TRPM1: variants seen among roughly 807,000 people sequenced by gnomAD.
TRPM1 encodes transient receptor potential cation channel subfamily M member 1, also known as TRPM1-203 APA Isoform, Intron 10.
TRPM1 carries 113 observed loss-of-function variants against 149.4 expected under a neutral mutation model. The observed-to-expected ratio is 0.76, with a 90% CI of 0.65 to 0.88. The LOEUF (loss-of-function observed/expected upper bound fraction) is 0.88, where lower values mean the gene tolerates loss of function less well. Among genes scored for constraint, TRPM1 ranks in the 40% least tolerant of loss-of-function variants. TRPM1 has a pLI of 0.00. For synonymous variants in TRPM1, 741 were observed against 759.5 expected, an observed-to-expected ratio of 0.98 and a Z score of 0.40; for missense variants, 1,976 against 2,038.7, an observed-to-expected ratio of 0.97 and a Z score of 0.59.
At chr15:31,117,748 A>G (rs2035821496) in intron 1 of TRPM1, among the ~76,000 whole-genome samples, 1 of 152,062 alleles carries the variant, frequency 6.6e-6, no homozygotes, top group South Asian at 2.1e-4. Flanking sequence ...CAGCTGTGTA[A>G]TATTATCAAA....
rs1453597929 is a variant in TRPM1 at position 31,002,661 on chromosome 15, G to A, written c.4039C>T (p.His1347Tyr). 6.2e-7 allele frequency: 1 copy of A among 1,614,220 alleles called. No homozygotes were observed. Among genetic ancestry groups the A allele is most frequent in the East Asian group, 2.2e-5 (1 of 44,884 alleles). ...HLVPECQNSLHLSLGTSTSAT... is the reference protein window; with the variant it reads ...HLVPECQNSLYLSLGTSTSAT... ...GATGTGCTTGTGCCCAGTGAAAGGT[G>A]AAGACTGTTCTGACATTCTGGGACT... The change falls in exon 28 of 28, where the codon CAC (histidine) becomes TAC (tyrosine). Residue 1347 changes from histidine to tyrosine, a missense_variant. Physicochemically the swap from His to Tyr is moderately conservative, Grantham distance 83 (BLOSUM62 2). Coordinates refer to ENST00000256552, the MANE Select transcript of TRPM1 (RefSeq NM_001252024.2).
At chr15:31,147,373 C>T (rs1396561112) in intron 1 of TRPM1, among the ~76,000 whole-genome samples, 1 of 152,190 alleles carries the variant, frequency 6.6e-6, no homozygotes, top group African/African-American at 2.4e-5. Context: ...ACTTTTCAGT[C>T]GGGGTTCTAA....
chr15:31,041,363 G>A (rs2033611314), intron 17 of TRPM1, among the ~76,000 whole-genome samples: 1 of 152,112 alleles, frequency 6.6e-6, no homozygotes, highest in African/African-American at 2.4e-5. Context: ...TGTTAGCCAG[G>A]ATGGTCTCGA....
chr15:31,071,989 A>G (rs1001440942), intron 3 of TRPM1, among the ~76,000 whole-genome samples: 1 of 55,962 alleles, frequency 1.8e-5, no homozygotes, highest in East Asian at 3.4e-4. Context: ...ACATATATAT[A>G]TATATATATA....
In TRPM1 at chr15:31,035,629, C is replaced by T; in HGVS notation, c.2617G>A (p.Val873Met). 6.2e-7 allele frequency: 1 copy of T among 1,614,166 alleles called. No individual in the cohort carries two copies. The highest frequency in any genetic ancestry group is 8.5e-7 in the Non-Finnish European group (1 of 1,180,032). Residue 873 changes from valine to methionine, a missense_variant, in exon 21 of 28, where the codon GTG (valine) becomes ATG (methionine). Val to Met is a conservative substitution (Grantham distance 21). Around this residue, in one of 3 missense-constraint regions of TRPM1, gnomAD observed 1,332 missense variants for 1,347.1 expected, o/e 0.99. Transcript: ENST00000256552. ...YLLLFNYVIL[V>M]RMDGWPSLQE... ...AGGGACGGCCAGCCATCCATCCGCA[C>T]CAGGATGACGTAGTTAAACAGCAGC...
At chr15:31,155,256 A>T (rs999523592) in intron 1 of TRPM1, among the ~76,000 whole-genome samples, 12 of 152,152 alleles carry the variant, frequency 7.9e-5, no homozygotes, top group African/African-American at 2.4e-4. Flanking sequence ...GAGAGGTGAG[A>T]GCTGCTGTCC....
intron 1 of TRPM1, among the ~76,000 whole-genome samples, chr15:31,122,797 C>G (rs377335199): frequency 7.9e-4 from 121 of 152,250 alleles, no homozygotes; most frequent in South Asian, 1.9e-3. Context: ...AAAACCCCAG[C>G]AAGTAAGTTA....
chr15:31,072,000 TATATATATATATATATATAG>T (rs1317112051), intron 3 of TRPM1, among the ~76,000 whole-genome samples: 837 of 64,040 alleles, frequency 0.013, 12 homozygotes, highest in African/African-American at 0.022. Flanking sequence ...TATATATATA[TATATATATATATATATATAG>T]AGAGAGAGAG....
At chr15:31,081,946 T>A (rs894789661) in intron 1 of TRPM1, among the ~76,000 whole-genome samples, 1 of 152,126 alleles carries the variant, frequency 6.6e-6, no homozygotes, top group Non-Finnish European at 1.5e-5. Flanking sequence ...TGAAAGGCAA[T>A]GGGTGGAGGC....
At chr15:31,081,492 G>A (rs1379449967) in intron 1 of TRPM1, 54 bp from the exon 2 acceptor site, 12 of 1,198,350 alleles carry the variant, frequency 1.0e-5, no homozygotes, top group Non-Finnish European at 1.4e-5. Flanking sequence ...CCTCTTTCTT[G>A]GGAAGCAAGA....
At chr15:31,119,666 TG>T (rs1240189275) in intron 1 of TRPM1, among the ~76,000 whole-genome samples, 1 of 151,470 alleles carries the variant, frequency 6.6e-6, no homozygotes, top group African/African-American at 2.4e-5. Flanking sequence ...ATAACAACAA[TG>T]TATTTGGCGA....
At chr15:31,113,944 G>A (rs2035760535) in intron 1 of TRPM1, among the ~76,000 whole-genome samples, 1 of 152,158 alleles carries the variant, frequency 6.6e-6, no homozygotes, top group Admixed American at 6.5e-5. Flanking sequence ...CCCATGTCCT[G>A]CAGATTGGTC....
rs370469506 is a variant in TRPM1 at position 31,032,826 on chromosome 15, G to A, written c.2815C>T (p.Arg939Cys). The A allele has an allele frequency of 2.4e-5, 39 of 1,614,076 alleles. No homozygotes were observed. The African/African-American group carries it at 3.5e-4, about 14-fold the overall frequency. Reference protein sequence around the residue: ...ISTFMIGAILRLQNQPYMGYG... With the variant: ...ISTFMIGAILCLQNQPYMGYG... ...CCCATGTAGGGCTGGTTCTGTAGGC[G>A]AAGAATTGCTCCAATCATGAATGTG... The change falls in exon 22 of 28, where the codon CGC becomes TGC. Residue 939 changes from arginine to cysteine, a missense_variant. Coordinates refer to ENST00000256552, the MANE Select transcript of TRPM1 (RefSeq NM_001252024.2).
chr15:31,113,699 T>C (rs574797233), intron 1 of TRPM1, among the ~76,000 whole-genome samples: 50 of 152,160 alleles, frequency 3.3e-4, no homozygotes, highest in African/African-American at 8.7e-4. Flanking sequence ...GTGCCCATAG[T>C]TAGTTCATTC....
chr15:31,088,770 C>A (rs923299804), intron 1 of TRPM1, among the ~76,000 whole-genome samples: 19 of 147,232 alleles, frequency 1.3e-4, no homozygotes, highest in African/African-American at 4.3e-4. Context: ...CGTTCCCAAC[C>A]ATGGTATCAA....
intron 1 of TRPM1, among the ~76,000 whole-genome samples, chr15:31,138,770 C>G (rs1284435481): frequency 1.3e-5 from 2 of 151,986 alleles, no homozygotes. Flanking sequence ...TTCCAAAACA[C>G]AACTTCTTGG....
In TRPM1 at chr15:31,047,120, T is replaced by C. The variant is rs1282453698; in HGVS notation, c.1755A>G (p.Gly585=). The C allele has an allele frequency of 7.4e-6, 12 of 1,614,094 alleles. No individual in the cohort carries two copies. The highest frequency in any genetic ancestry group is 1.0e-5 in the Non-Finnish European group (12 of 1,180,040). The change falls in exon 15 of 28, where the codon GGA becomes GGG. Residue 585 remains glycine, a synonymous_variant. Transcript: ENST00000256552. The part of the protein sequence containing the change: ...NFRTLYNNLF[G]PKRPKALKLL... ...AGGCACTGAGTTCTACCCTCTTTGG[T>C]CCAAACAAGTTGTTGTAAAGGGTCC...
intron 1 of TRPM1, among the ~76,000 whole-genome samples, chr15:31,121,215 C>A (rs533717526): frequency 9.0e-6 from 1 of 111,656 alleles, no homozygotes; most frequent in Non-Finnish European, 1.7e-5. Flanking sequence ...CAGAGCAAGA[C>A]TCCATCTCAA....
At chr15:31,107,409 C>G (rs1399256373) in intron 1 of TRPM1, among the ~76,000 whole-genome samples, 1 of 152,058 alleles carries the variant, frequency 6.6e-6, no homozygotes, top group Non-Finnish European at 1.5e-5. Flanking sequence ...TAGTGATGCC[C>G]CTTTTTCATT....
Sources: gnomAD v4.1 joint callset for allele counts (sites outside exome capture counted in the v4.1 genomes callset) on GRCh38, gnomAD v4.1.1 for gene constraint, gnomAD v4.1.1 regional missense constraint, MANE v1.5 for transcripts, NCBI Gene and HGNC (gene_info 2026-07-23, HGNC 2026-07-21) for gene names.